The following G3BP1 variants were observed in gnomAD, a reference collection of about 807,000 sequenced individuals.
G3BP1 encodes the protein G3BP stress granule assembly factor 1, also known as ras GTPase-activating protein-binding protein 1.
In G3BP1, 35 loss-of-function variants were observed where a neutral mutation model predicts 58.6. The observed-to-expected ratio is 0.60, with a 90% CI of 0.46 to 0.79. The LOEUF is 0.79. Among genes scored for constraint, G3BP1 ranks in the 30% least tolerant of loss-of-function variants. G3BP1 has a pLI of 0.00. For missense variants in G3BP1, 523 were observed against 580.8 expected (o/e 0.90, Z 1.02); for synonymous variants, 191 against 195.4 (o/e 0.98, Z 0.19).
At position 151,786,721 on chromosome 5, in the gene G3BP1, A is replaced by G. The variant is rs1762560111; in HGVS notation, c.95+6A>G. On this transcript the variant is annotated splice_donor_region_variant and intron_variant, in intron 2 of 11. Transcript: ENST00000356245. ...GCCCCAGACATGCTGCATAGGTAAG[A>G]CATTTTTCTCCTGCATCATCTAATG... The G allele has an allele frequency of 3.2e-6, 5 of 1,542,716 alleles. No homozygotes were observed. The highest frequency in any genetic ancestry group is 4.5e-6 in the Non-Finnish European group (5 of 1,115,042).
intron 11 of G3BP1, among the ~76,000 whole-genome samples, chr5:151,801,854 AC>A (rs1762858277): frequency 1.3e-5 from 2 of 150,992 alleles, no homozygotes; most frequent in African/African-American, 4.9e-5. Flanking sequence ...TCTCTCTGCC[AC>A]CCAGGCTGGA....
chr5:151,791,001 T>G lies in G3BP1; in HGVS notation c.290T>G (p.Leu97Arg). The G allele has an allele frequency of 6.2e-7, 1 of 1,613,764 alleles. No individual in the cohort carries two copies. The highest frequency in any genetic ancestry group is 8.5e-7 in the Non-Finnish European group (1 of 1,179,798). Residue 97 changes from leucine (L) to arginine (R), a missense_variant, in exon 4 of 12, where the codon CTT becomes CGT. Transcript: ENST00000356245. Reference protein sequence around the residue: ...NDGVVVQVMGLLSNNNQALRR... With the variant: ...NDGVVVQVMGRLSNNNQALRR... ...GGTGTGGTAGTCCAGGTGATGGGGC[T>G]TCTCTCTAACAACAACCAGGCTTTG...
intron 1 of G3BP1, among the ~76,000 whole-genome samples, chr5:151,775,459 C>G (rs1473175602): frequency 6.6e-6 from 1 of 152,236 alleles, no homozygotes; most frequent in Non-Finnish European, 1.5e-5. Context: ...TTTTGAAAAG[C>G]ATGTGGTACC....
Position 151,799,956 on chromosome 5 carries a change from G to C in G3BP1, c.911G>C (p.Arg304Pro). ...PQRPQRDQRVREQRINIPPQR... is the reference protein window; with the variant it reads ...PQRPQRDQRVPEQRINIPPQR... ...AGACCTCAGCGGGATCAAAGAGTGC[G>C]AGAACAACGAATAAATATTCCTCCC... Residue 304 changes from arginine to proline, a missense_variant, in exon 9 of 12, where the codon CGA (arginine) becomes CCA (proline). Arg to Pro is a moderately radical substitution (Grantham distance 103). Transcript: ENST00000356245. 2 of 1,612,958 alleles carry C rather than the reference G, an allele frequency of 1.2e-6. No individual in the cohort carries two copies. Among genetic ancestry groups the C allele is most frequent in the Non-Finnish European group, 1.7e-6 (2 of 1,178,936 alleles).
intron 3 of G3BP1, 65 bp downstream of exon 3, chr5:151,790,469 G>A: frequency 1.2e-6 from 1 of 807,416 alleles, no homozygotes; most frequent in Non-Finnish European, 2.0e-6. Context: ...AATTGAAGTG[G>A]ATCATACTTA....
intron 1 of G3BP1, among the ~76,000 whole-genome samples, chr5:151,778,085 T>C (rs1762403335): frequency 6.6e-6 from 1 of 152,198 alleles, no homozygotes; most frequent in Non-Finnish European, 1.5e-5. Context: ...TTTGTATGGG[T>C]ATACGCCTTT....
intron 6 of G3BP1, 97 bp downstream of exon 6, chr5:151,795,672 C>A: frequency 1.6e-6 from 1 of 608,146 alleles, no homozygotes; most frequent in Non-Finnish European, 3.0e-6. Context: ...CTGAGAATTA[C>A]CTCAAAATAA....
chr5:151,784,362 G>A (rs1408121479), intron 1 of G3BP1, among the ~76,000 whole-genome samples: 3 of 152,074 alleles, frequency 2.0e-5, no homozygotes, highest in South Asian at 4.1e-4. Context: ...TGTTATGTCT[G>A]CTATCTTAAT....
chr5:151,785,979 C>T (rs182604037), intron 1 of G3BP1, among the ~76,000 whole-genome samples: 8 of 152,302 alleles, frequency 5.3e-5, no homozygotes, highest in Admixed American at 3.3e-4. Flanking sequence ...ACAACTGGAA[C>T]ACTCTTAATT....
At chr5:151,777,344 G>A (rs1347550883) in intron 1 of G3BP1, among the ~76,000 whole-genome samples, 2 of 152,076 alleles carry the variant, frequency 1.3e-5, no homozygotes, top group East Asian at 1.9e-4. Context: ...TTTTTCCTTG[G>A]TGTTTTTGAC....
At chr5:151,780,206 T>C (rs1416418507) in intron 1 of G3BP1, among the ~76,000 whole-genome samples, 1 of 152,208 alleles carries the variant, frequency 6.6e-6, no homozygotes, top group African/African-American at 2.4e-5. Flanking sequence ...ACTTACTCTG[T>C]TTTGTTTGCT....
rs1762994606 is a variant in G3BP1, at chr5:151,810,003, T to C, written c.*5912T>C. 1 of 152,228 alleles carries C rather than the reference T, an allele frequency of 6.6e-6. No individual in the cohort carries two copies. Among genetic ancestry groups the C allele is most frequent in the African/African-American group, 2.4e-5 (1 of 41,460 alleles). 9.4% of individuals were successfully genotyped at this position (152,228 alleles called of 1,614,324 possible). On this transcript the variant is annotated 3_prime_UTR_variant, in exon 12 of 12. Transcript: ENST00000356245. The stretch of plus-strand genomic sequence containing the variant: ...AAACTCAGCTGTAATTTCTCCTAAA[T>C]ACTTCAGCATTTTGCATTCTGTACA...
chr5:151,785,892 G>A (rs923621222), intron 1 of G3BP1, among the ~76,000 whole-genome samples: 22 of 152,154 alleles, frequency 1.4e-4, no homozygotes, highest in African/African-American at 5.1e-4. Context: ...TTTGTCCCCG[G>A]ATGTCAAAAC....
At chr5:151,787,757 T>C (rs1290426914) in intron 2 of G3BP1, 2 of 301,682 alleles carry the variant, frequency 6.6e-6, no homozygotes, top group Non-Finnish European at 1.4e-5. Context: ...CCCTTACACC[T>C]TGACCAGCTT....
intron 1 of G3BP1, among the ~76,000 whole-genome samples, chr5:151,781,027 A>C (rs1762462101): frequency 6.6e-6 from 1 of 152,284 alleles, no homozygotes; most frequent in East Asian, 1.9e-4. Context: ...TATATTGGAA[A>C]ATTTTTTTTG....
At position 151,803,954 on chromosome 5, in the gene G3BP1, G is replaced by A. The variant is rs1762901729; in HGVS notation, c.1264G>A (p.Asp422Asn). The A allele has an allele frequency of 8.1e-6, 13 of 1,613,898 alleles. No individual in the cohort carries two copies. Among genetic ancestry groups the A allele is most frequent in the Non-Finnish European group, 1.1e-5 (13 of 1,179,908 alleles). The change falls in exon 12 of 12, where the codon GAC (aspartate) becomes AAC (asparagine). Residue 422 changes from aspartate (D) to asparagine (N), a missense_variant. Asp to Asn is a conservative substitution (Grantham distance 23). Around this residue, in one of 2 missense-constraint regions of G3BP1, gnomAD observed 125 missense variants for 181.7 expected, o/e 0.69. Transcript: ENST00000356245. ...EKKTRAAREG[D>N]RRDNRLRGPG... ...GAAGACTCGAGCTGCCAGGGAAGGCGACCGACGAGATAATCGCCTTCGGGG... is the reference window on the plus strand; with the variant it reads ...GAAGACTCGAGCTGCCAGGGAAGGCAACCGACGAGATAATCGCCTTCGGGG...
At position 151,812,006 on chromosome 5, in the gene G3BP1, C is replaced by T. The variant is rs530152991; in HGVS notation, c.*7915C>T. 8 of 152,294 alleles carry T rather than the reference C, an allele frequency of 5.3e-5. 1 individual carries two copies. Among genetic ancestry groups the T allele is most frequent in the African/African-American group, 1.9e-4 (8 of 41,570 alleles). 9.4% of individuals were successfully genotyped at this position (152,294 alleles called of 1,614,324 possible). ...AGTATCTTCTACTTTGGCTAGCTGT[C>T]AGAGTTGCCGCTATGTGAGCTTGTG... is the stretch of plus-strand genomic sequence containing the variant. On this transcript the variant is annotated 3_prime_UTR_variant, in exon 12 of 12. Coordinates refer to ENST00000356245, the MANE Select transcript of G3BP1 (RefSeq NM_005754.3).
intron 2 of G3BP1, among the ~76,000 whole-genome samples, chr5:151,787,576 T>A (rs1206510817): frequency 6.6e-6 from 1 of 152,214 alleles, no homozygotes; most frequent in Non-Finnish European, 1.5e-5. Flanking sequence ...GCTACACAGC[T>A]TTTTATAGAG....
At chr5:151,797,974 T>C (rs1306491584) in intron 7 of G3BP1, among the ~76,000 whole-genome samples, 1 of 152,130 alleles carries the variant, frequency 6.6e-6, no homozygotes, top group Non-Finnish European at 1.5e-5. Context: ...GTTGAAACCT[T>C]TGCATTTGGT....
Sources: gnomAD v4.1 joint callset for allele counts (sites outside exome capture counted in the v4.1 genomes callset) on GRCh38, gnomAD v4.1.1 for gene constraint, gnomAD v4.1.1 regional missense constraint, MANE v1.5 for transcripts, NCBI Gene and HGNC (gene_info 2026-07-23, HGNC 2026-07-21) for gene names.